PARG: variants seen among roughly 807,000 people sequenced by gnomAD.
The protein encoded by PARG is mitochondrial poly(ADP-ribose) glycohydrolase.
In PARG, 35 loss-of-function variants were observed where a neutral mutation model predicts 113.0. The ratio of observed to expected loss-of-function variants is 0.31; its 90% CI spans 0.24 to 0.41. The LOEUF (loss-of-function observed/expected upper bound fraction) is 0.41, where lower values mean the gene tolerates loss of function less well. PARG is among the 10% of genes least tolerant of loss of function. PARG has a pLI of 1.00. For synonymous variants in PARG, 330 were observed against 409.9 expected, an observed-to-expected ratio of 0.81 and a Z score of 2.36; for missense variants, 797 against 1,169.4, an observed-to-expected ratio of 0.68 and a Z score of 4.64.
chr10:49,819,514 AC>A lies in PARG; in HGVS notation c.2777-21del. The A allele has an allele frequency of 1.3e-6, 2 of 1,539,338 alleles. No homozygotes were observed. Among genetic ancestry groups the A allele is most frequent in the Non-Finnish European group, 1.8e-6 (2 of 1,136,982 alleles). ...CATCTCCTGGAGAGCAAAAGGTCAG[AC>A]CAGAGGCACATTAAAGTATGTAATT... is the stretch of plus-strand genomic sequence containing the variant. On this transcript the variant is annotated intron_variant, in intron 17 of 17. Coordinates refer to ENST00000616448, the MANE Select transcript of PARG (RefSeq NM_003631.5).
intron 10 of PARG, among the ~76,000 whole-genome samples, chr10:49,866,412 T>C (rs1323723769): frequency 2.6e-5 from 4 of 152,080 alleles, no homozygotes; most frequent in Non-Finnish European, 4.4e-5. Context: ...TATGGAGCAG[T>C]TGCAGTAGAA....
intron 7 of PARG, among the ~76,000 whole-genome samples, chr10:49,902,608 G>C (rs1848394943): frequency 6.6e-6 from 1 of 152,070 alleles, no homozygotes; most frequent in East Asian, 1.9e-4. Flanking sequence ...ACATTAGATT[G>C]AGCACTGTGA....
At chr10:49,822,802 G>C (rs1188175669) in intron 16 of PARG, among the ~76,000 whole-genome samples, 1 of 152,194 alleles carries the variant, frequency 6.6e-6, no homozygotes, top group Admixed American at 6.5e-5. Context: ...TCTTGACAGT[G>C]TCACTGATGC....
intron 9 of PARG, among the ~76,000 whole-genome samples, chr10:49,874,462 A>G (rs1311380769): frequency 1.3e-5 from 2 of 152,188 alleles, no homozygotes; most frequent in African/African-American, 4.8e-5. Context: ...ATAAATGACC[A>G]TGTACAATGA....
intron 16 of PARG, among the ~76,000 whole-genome samples, chr10:49,827,593 A>C (rs1844421269): frequency 6.6e-6 from 1 of 152,218 alleles, no homozygotes; most frequent in African/African-American, 2.4e-5. Flanking sequence ...AACAGAACAA[A>C]AACAACAACA....
At chr10:49,907,956 T>C (rs1258590699) in intron 7 of PARG, among the ~76,000 whole-genome samples, 9 of 152,218 alleles carry the variant, frequency 5.9e-5, no homozygotes, top group Non-Finnish European at 1.0e-4. Flanking sequence ...GTTAGAGTTA[T>C]AGGACAAACT....
intron 15 of PARG, among the ~76,000 whole-genome samples, chr10:49,834,289 A>G (rs2132408357): frequency 6.6e-6 from 1 of 152,314 alleles, no homozygotes; most frequent in African/African-American, 2.4e-5. Context: ...GCTTTGTTTC[A>G]TGTCAGAATT....
intron 4 of PARG, among the ~76,000 whole-genome samples, chr10:49,928,100 G>C (rs550099630): frequency 2.6e-5 from 4 of 151,956 alleles, no homozygotes; most frequent in Non-Finnish European, 5.9e-5. Context: ...GCGAAACCCC[G>C]TCTCTATTAA....
chr10:49,826,398 A>C (rs1844361591), intron 16 of PARG, among the ~76,000 whole-genome samples: 1 of 152,120 alleles, frequency 6.6e-6, no homozygotes, highest in African/African-American at 2.4e-5. Context: ...CCAACTCCCT[A>C]ACCACACTTC....
rs1838583703 is a variant in PARG, at chr10:49,933,366, C to T, written c.1082G>A (p.Gly361Asp). Residue 361 changes from glycine to aspartate, a missense_variant, in exon 3 of 18, where the codon GGC (glycine) becomes GAC (aspartate). This residue lies in a region of PARG where 252 missense variants were observed against 437.4 expected (regional missense o/e 0.58). Coordinates refer to ENST00000616448, the MANE Select transcript of PARG (RefSeq NM_003631.5). ...IEFRKRYSTK[G>D]GEVRLHFQFE... ...TTGGAAATGTAATCTAACTTCACCG[C>T]CCTTAGTAGAGTACCGTTTCCTAAA... 1 of 1,612,936 alleles carries T rather than the reference C, an allele frequency of 6.2e-7. No homozygotes were observed. The highest frequency in any genetic ancestry group is 1.1e-5 in the South Asian group (1 of 91,042).
chr10:49,879,377 C>G (rs1157937136), intron 9 of PARG, among the ~76,000 whole-genome samples: 1 of 150,534 alleles, frequency 6.6e-6, no homozygotes. Context: ...GTCCAGAGAA[C>G]TGGGGAATCA....
chr10:49,823,494 C>G (rs745523645), intron 16 of PARG, among the ~76,000 whole-genome samples: 6 of 151,990 alleles, frequency 3.9e-5, no homozygotes, highest in Non-Finnish European at 7.4e-5. Context: ...CATGACTATG[C>G]CTCATTAATC....
rs1301704323 is a variant in PARG, at chr10:49,818,539, T to C, written c.*801A>G. 6.6e-6 allele frequency: 1 copy of C among 152,528 alleles called. No individual in the cohort carries two copies. The highest frequency in any genetic ancestry group is 1.9e-4 in the East Asian group (1 of 5,182). The allele number at this position is 152,528 out of a possible 1,614,324, so 9.4% of individuals were successfully genotyped here. A position where few individuals can be genotyped will look rare whatever the true frequency, so the allele number is the denominator to read the frequency against. ...TCAAGCACCACAAAAGAAACATTAGTCCTAATTTAAAAAGAAAAAAGTACC... is the reference window on the plus strand; with the variant it reads ...TCAAGCACCACAAAAGAAACATTAGCCCTAATTTAAAAAGAAAAAAGTACC... On this transcript the variant is annotated 3_prime_UTR_variant, in exon 18 of 18. Transcript: ENST00000616448.
At chr10:49,893,916 T>C (rs1847941387) in intron 7 of PARG, among the ~76,000 whole-genome samples, 1 of 152,010 alleles carries the variant, frequency 6.6e-6, no homozygotes, top group Non-Finnish European at 1.5e-5. Flanking sequence ...GCCAGGATGG[T>C]CTTGATCTCC....
intron 4 of PARG, among the ~76,000 whole-genome samples, chr10:49,929,827 A>C (rs1838400011): frequency 8.6e-6 from 1 of 116,512 alleles, no homozygotes; most frequent in African/African-American, 3.1e-5. Flanking sequence ...AAACTCCATC[A>C]AAAAAAAAAA....
Position 49,855,280 on chromosome 10 carries a change from T to C in PARG, c.2353+2026A>G, listed in dbSNP as rs200041930. ...CAAGCAGAAAAAACAACCAGTGAACTTGAAGACAGGGCAATTGAGACTGAG... is the reference window on the plus strand; with the variant it reads ...CAAGCAGAAAAAACAACCAGTGAACCTGAAGACAGGGCAATTGAGACTGAG... On this transcript the variant is annotated intron_variant, in intron 13 of 17. Transcript: ENST00000616448. Among the ~76,000 whole-genome samples, 319 of 92,684 alleles carry C rather than the reference T, an allele frequency of 3.4e-3. 9 individuals carry two copies. The East Asian group carries it at 0.044, about 13-fold the overall frequency. The allele number at this position is 92,684 out of a possible 152,430, so 60.8% of individuals were successfully genotyped here. A position where few individuals can be genotyped will look rare whatever the true frequency, so the allele number is the denominator to read the frequency against.
intron 4 of PARG, among the ~76,000 whole-genome samples, chr10:49,927,991 G>C (rs1554851115): frequency 6.6e-6 from 1 of 151,392 alleles, no homozygotes; most frequent in Admixed American, 6.6e-5. Flanking sequence ...AAAGAAGAAG[G>C]CCAGGAACAG....
intron 7 of PARG, among the ~76,000 whole-genome samples, chr10:49,886,084 T>C (rs1459273006): frequency 1.3e-5 from 2 of 152,222 alleles, no homozygotes; most frequent in East Asian, 3.8e-4. Flanking sequence ...ACATTTTAAC[T>C]AGAAGAGGCC....
At chr10:49,938,209 CCTACTT>C (rs1838840253) in intron 1 of PARG, among the ~76,000 whole-genome samples, 1 of 152,152 alleles carries the variant, frequency 6.6e-6, no homozygotes, top group African/African-American at 2.4e-5. Flanking sequence ...GCTAACAACA[CCTACTT>C]CTAAGGGTTA....
Sources: allele counts gnomAD v4.1 joint callset (sites outside exome capture counted in the v4.1 genomes callset), GRCh38; gene constraint gnomAD v4.1.1; regional missense constraint gnomAD v4.1.1; transcripts MANE v1.5; gene names NCBI Gene and HGNC (gene_info 2026-07-23, HGNC 2026-07-21).